MYOZ1: variants seen among roughly 807,000 people sequenced by gnomAD.
MYOZ1 encodes the protein myozenin-1.
A neutral mutation model predicts 28.7 loss-of-function variants in MYOZ1; 20 were observed. That is an observed-to-expected ratio of 0.70 (90% CI 0.49 to 1.01). The LOEUF is 1.01. MYOZ1 is among the 50% of genes least tolerant of loss of function. The pLI, the probability that MYOZ1 is intolerant of heterozygous loss-of-function variation, is 0.00. For missense variants in MYOZ1, 371 were observed against 372.4 expected (o/e 1.00, Z 0.03); for synonymous variants, 144 against 145.8 (o/e 0.99, Z 0.09).
chr10:73,634,578 G>A lies in MYOZ1; in HGVS notation c.408C>T (p.Gly136=), dbSNP rs368116259. The A allele has an allele frequency of 5.8e-5, 94 of 1,614,034 alleles. No homozygotes were observed. The highest frequency in any genetic ancestry group is 7.0e-5 in the Non-Finnish European group (83 of 1,180,032). ...CTGTACCCCCAGCTCCAGACCCAGA[G>A]CCCAGATGGTGCTGCTGATCAGAGC... ...QYGSDQQHHL[G]SGSGAGGTGG... Residue 136 remains glycine (G), a synonymous_variant, in exon 4 of 6, where the codon GGC becomes GGT. Coordinates refer to ENST00000359322, the MANE Select transcript of MYOZ1 (RefSeq NM_021245.4).
intron 4 of MYOZ1, 25 bp from the exon 5 acceptor site, chr10:73,634,090 C>G (rs755121226): frequency 3.1e-6 from 5 of 1,613,744 alleles, no homozygotes; most frequent in African/African-American, 1.3e-5. Flanking sequence ...AGAGAAAATT[C>G]AGTCAAATAA....
Position 73,631,852 on chromosome 10 carries a change from G to A in MYOZ1, c.*78C>T. 1.6e-6 allele frequency: 2 copies of A among 1,225,862 alleles called. No homozygotes were observed. The highest frequency in any genetic ancestry group is 1.9e-5 in the Admixed American group (1 of 53,464). 75.9% of individuals were successfully genotyped at this position (1,225,862 alleles called of 1,614,324 possible). ...CCCATAAGGATACTGGATTAACAAT[G>A]GGGGCTATCTGCTCAGCATTCCCTC... On this transcript the variant is annotated 3_prime_UTR_variant, in exon 6 of 6. Coordinates refer to ENST00000359322, the MANE Select transcript of MYOZ1 (RefSeq NM_021245.4).
chr10:73,635,450 C>T (rs541879617), intron 3 of MYOZ1, among the ~76,000 whole-genome samples: 3 of 152,144 alleles, frequency 2.0e-5, no homozygotes, highest in South Asian at 2.1e-4. Flanking sequence ...GACACAATCT[C>T]GGCTCACTGC....
At chr10:73,632,268 T>G in intron 5 of MYOZ1, 107 bp from the exon 6 acceptor site, 2 of 1,031,348 alleles carry the variant, frequency 1.9e-6, no homozygotes, top group Non-Finnish European at 2.9e-6. Flanking sequence ...AATTCTAGTT[T>G]GGGATTGCAT....
chr10:73,640,704 C>T (rs186638768), intron 1 of MYOZ1, among the ~76,000 whole-genome samples: 1 of 152,298 alleles, frequency 6.6e-6, no homozygotes, highest in Admixed American at 6.5e-5. Flanking sequence ...TTTTTATTTG[C>T]ACTGGGATAT....
chr10:73,636,094 G>A (rs2081665835), intron 3 of MYOZ1, among the ~76,000 whole-genome samples: 2 of 152,084 alleles, frequency 1.3e-5, no homozygotes, highest in Non-Finnish European at 2.9e-5. Flanking sequence ...ACCAATGACA[G>A]ACACTTCTGC....
At chr10:73,636,373 CAAT>C (rs1317253453) in intron 3 of MYOZ1, among the ~76,000 whole-genome samples, 1 of 152,098 alleles carries the variant, frequency 6.6e-6, no homozygotes, top group Non-Finnish European at 1.5e-5. Flanking sequence ...TGTAAAAACT[CAAT>C]TAACTCTTTC....
At chr10:73,633,088 G>A (rs540766484) in intron 5 of MYOZ1, among the ~76,000 whole-genome samples, 1 of 152,096 alleles carries the variant, frequency 6.6e-6, no homozygotes, top group Non-Finnish European at 1.5e-5. Flanking sequence ...CCTGAGGTCA[G>A]GAGTTTGAGA....
At chr10:73,637,639 T>C in intron 3 of MYOZ1, 105 bp downstream of exon 3, 1 of 1,158,394 alleles carries the variant, frequency 8.6e-7, no homozygotes, top group Non-Finnish European at 1.2e-6. Context: ...AATTTATAAA[T>C]TTTCAGGGAG....
rs535091292 is a variant in MYOZ1, at chr10:73,633,165, C to T, written c.668+735G>A. On this transcript the variant is annotated intron_variant, in intron 5 of 5. Transcript: ENST00000359322. ...TACAAAAATTAGCTGGGCGTGGTGGCGGGTGCCTATAATGCCAGCTACTAG... is the reference window on the plus strand; with the variant it reads ...TACAAAAATTAGCTGGGCGTGGTGGTGGGTGCCTATAATGCCAGCTACTAG... Among the ~76,000 whole-genome samples, 8 of 152,096 alleles carry T rather than the reference C, an allele frequency of 5.3e-5. No individual in the cohort carries two copies. In the South Asian group the frequency reaches 6.2e-4, roughly 12 times the overall value.
At chr10:73,641,241 C>G (rs1479357169) in intron 1 of MYOZ1, among the ~76,000 whole-genome samples, 170 bp downstream of exon 1, 1 of 152,114 alleles carries the variant, frequency 6.6e-6, no homozygotes, top group Non-Finnish European at 1.5e-5. Context: ...CTCCTGGGCC[C>G]CTCTCCTTCC....
chr10:73,632,241 G>A, intron 5 of MYOZ1, 80 bp from the exon 6 acceptor site: 2 of 1,249,310 alleles, frequency 1.6e-6, no homozygotes, highest in South Asian at 1.3e-5. Flanking sequence ...CCCTCTTTGA[G>A]AATAGGGAAG....
chr10:73,634,473 A>G lies in MYOZ1; in HGVS notation c.502+11T>C. The G allele has an allele frequency of 6.2e-7, 1 of 1,613,674 alleles. No homozygotes were observed. Among genetic ancestry groups the G allele is most frequent in the Non-Finnish European group, 8.5e-7 (1 of 1,179,832 alleles). ...GGACCAAACACATTACTCTTGGGTG[A>G]GTGTACTTGCCTGATCCTGTCTCAC... is the stretch of plus-strand genomic sequence containing the variant. On this transcript the variant is annotated intron_variant, in intron 4 of 5. Coordinates refer to ENST00000359322, the MANE Select transcript of MYOZ1 (RefSeq NM_021245.4).
rs1384601502 is a variant in MYOZ1 at position 73,632,157 on chromosome 10, C to T, written c.673G>A (p.Ala225Thr). 1 of 1,613,694 alleles carries T rather than the reference C, an allele frequency of 6.2e-7. No homozygotes were observed. Residue 225 changes from alanine to threonine, a missense_variant, in exon 6 of 6, where the codon GCA becomes ACA. Ala to Thr is a moderately conservative substitution (Grantham distance 58). Coordinates refer to ENST00000359322, the MANE Select transcript of MYOZ1 (RefSeq NM_021245.4). ...TTCTCATATCCACCATAGGGCATTG[C>T]CGTCCTGAGAAGGGGACACATTATT... ...LPKYKSFNRT[A>T]MPYGGYEKAS...
rs548763381 is a variant in MYOZ1, at chr10:73,632,253, C to A, written c.669-92G>T. 14 of 1,165,974 alleles carry A rather than the reference C, an allele frequency of 1.2e-5. No homozygotes were observed. The South Asian group carries it at 1.3e-4, about 11-fold the overall frequency. 72.2% of individuals were successfully genotyped at this position (1,165,974 alleles called of 1,614,324 possible). On this transcript the variant is annotated intron_variant, in intron 5 of 5. Coordinates refer to ENST00000359322, the MANE Select transcript of MYOZ1 (RefSeq NM_021245.4). Reference sequence around the variant, plus strand: ...CTACCCTCTTTGAGAATAGGGAAGTCTGTGAATTCTAGTTTGGGATTGCAT... The same window carrying A: ...CTACCCTCTTTGAGAATAGGGAAGTATGTGAATTCTAGTTTGGGATTGCAT...
At chr10:73,638,357 G>A (rs989278540) in intron 2 of MYOZ1, among the ~76,000 whole-genome samples, 2 of 150,394 alleles carry the variant, frequency 1.3e-5, no homozygotes, top group African/African-American at 4.9e-5. Flanking sequence ...TTTTGAGACA[G>A]AGTCCTGCTC....
chr10:73,635,416 C>G (rs1434299680), intron 3 of MYOZ1, among the ~76,000 whole-genome samples: 1 of 151,934 alleles, frequency 6.6e-6, no homozygotes, highest in Non-Finnish European at 1.5e-5. Context: ...GAATCTGGCT[C>G]TGTCACCCAG....
chr10:73,634,060 G>C lies in MYOZ1; in HGVS notation c.508C>G (p.Gln170Glu). 1 of 1,613,844 alleles carries C rather than the reference G, an allele frequency of 6.2e-7. No homozygotes were observed. The highest frequency in any genetic ancestry group is 8.5e-7 in the Non-Finnish European group (1 of 1,179,942). ...ATATGTTTTCCTTCTCCGCCTGCCT[G>C]GTCTCCTGGTAGCCATGGGAGAGAA... ...AGVGETGSGD[Q>E]AGGEGKHITV... The change falls in exon 5 of 6, where the codon CAG becomes GAG. Residue 170 changes from glutamine to glutamate, a missense_variant. Physicochemically the swap from Gln to Glu is conservative, Grantham distance 29 (BLOSUM62 2). Coordinates refer to ENST00000359322, the MANE Select transcript of MYOZ1 (RefSeq NM_021245.4).
intron 3 of MYOZ1, among the ~76,000 whole-genome samples, chr10:73,636,468 T>A (rs559613436): frequency 5.5e-4 from 83 of 152,258 alleles, no homozygotes; most frequent in South Asian, 1.2e-3. Flanking sequence ...TTTATTTTTT[T>A]TTTTTAGATG....
Sources: gnomAD v4.1 joint callset for allele counts (sites outside exome capture counted in the v4.1 genomes callset) on GRCh38, gnomAD v4.1.1 for gene constraint, MANE v1.5 for transcripts, NCBI Gene and HGNC (gene_info 2026-07-23, HGNC 2026-07-21) for gene names.